Variants in FBXW2 observed in about 807,000 individuals in gnomAD.
FBXW2 encodes F-box/WD repeat-containing protein 2.
A neutral mutation model predicts 46.0 loss-of-function variants in FBXW2; 12 were observed. That is an observed-to-expected ratio of 0.26 (90% CI 0.17 to 0.42). The LOEUF is 0.42. Ranked by LOEUF, FBXW2 falls within the 10% of genes least tolerant of loss-of-function variation. FBXW2 has a pLI of 1.00. For missense variants in FBXW2, 360 were observed against 537.0 expected, an observed-to-expected ratio of 0.67 and a Z score of 3.26; for synonymous variants, 203 against 209.6, an observed-to-expected ratio of 0.97 and a Z score of 0.27.
intron 7 of FBXW2, among the ~76,000 whole-genome samples, chr9:120,765,182 C>A (rs112579427): frequency 0.044 from 6,714 of 151,580 alleles, 227 homozygotes; most frequent in Non-Finnish European, 0.061. Context: ...GCATCCTCCA[C>A]CTCCCAGGTT....
rs781721411 is a variant in FBXW2, at chr9:120,764,629, G to A, written c.1295C>T (p.Thr432Met). Residue 432 changes from threonine to methionine, a missense_variant, in exon 8 of 8, where the codon ACG becomes ATG. Physicochemically the swap from Thr to Met is moderately conservative, Grantham distance 81. Transcript: ENST00000608872. ...CATGCTGGTGGCAAAGACCAAGCCCGTGTCATTGTGCCCATCCAGTCCATT... is the reference window on the plus strand; with the variant it reads ...CATGCTGGTGGCAAAGACCAAGCCCATGTCATTGTGCCCATCCAGTCCATT... ...WLNGLDGHND[T>M]GLVFATSMPD... The A allele has an allele frequency of 9.9e-6, 16 of 1,614,072 alleles. No homozygotes were observed. Among genetic ancestry groups the A allele is most frequent in the African/African-American group, 6.7e-5 (5 of 74,930 alleles).
At chr9:120,776,834 A>G (rs1178227741) in intron 4 of FBXW2, among the ~76,000 whole-genome samples, 1 of 152,220 alleles carries the variant, frequency 6.6e-6, no homozygotes, top group Non-Finnish European at 1.5e-5. Context: ...CTAAAGGAAC[A>G]TTAGGGACCC....
chr9:120,774,557 T>C (rs2044453017), intron 5 of FBXW2, among the ~76,000 whole-genome samples: 1 of 152,134 alleles, frequency 6.6e-6, no homozygotes, highest in African/African-American at 2.4e-5. Flanking sequence ...CCACAGTGAA[T>C]CTGCAAGCCA....
intron 7 of FBXW2, among the ~76,000 whole-genome samples, chr9:120,765,095 GTT>G (rs751039443): frequency 1.5e-4 from 21 of 139,698 alleles, no homozygotes; most frequent in Admixed American, 2.2e-4. Context: ...TTTGATCAAA[GTT>G]TTTTTTTTTT....
intron 2 of FBXW2, among the ~76,000 whole-genome samples, chr9:120,791,201 A>G (rs1242687896): frequency 6.6e-6 from 1 of 152,148 alleles, no homozygotes; most frequent in African/African-American, 2.4e-5. Flanking sequence ...AATATCATAC[A>G]CTGGTTGCAC....
At chr9:120,766,695 T>C (rs1240249115) in intron 7 of FBXW2, among the ~76,000 whole-genome samples, 3 of 152,066 alleles carry the variant, frequency 2.0e-5, no homozygotes, top group African/African-American at 7.2e-5. Context: ...ATCTCAACCT[T>C]GTGTTCCACC....
At position 120,762,732 on chromosome 9, in the gene FBXW2, G is replaced by C. The variant is rs1160911771; in HGVS notation, c.*1827C>G. Reference sequence around the variant, plus strand: ...CTGCCAGCAACCCTTTTTCTCACCTGTAAAATGGATATGCTTTATACTGGA... The same window carrying C: ...CTGCCAGCAACCCTTTTTCTCACCTCTAAAATGGATATGCTTTATACTGGA... On this transcript the variant is annotated 3_prime_UTR_variant, in exon 8 of 8. Transcript: ENST00000608872. 1.3e-5 allele frequency: 2 copies of C among 152,214 alleles called. No individual in the cohort carries two copies. Among genetic ancestry groups the C allele is most frequent in the South Asian group, 4.1e-4 (2 of 4,830 alleles). The allele number at this position is 152,214 out of a possible 1,614,324, so 9.4% of individuals were successfully genotyped here. A position where few individuals can be genotyped will look rare whatever the true frequency, so the allele number is the denominator to read the frequency against.
At chr9:120,791,976 T>C (rs2044853042) in intron 2 of FBXW2, among the ~76,000 whole-genome samples, 2 of 152,200 alleles carry the variant, frequency 1.3e-5, no homozygotes, top group South Asian at 2.1e-4. Flanking sequence ...TAACTCCCTA[T>C]GTTACCTAGG....
chr9:120,768,460 A>G (rs2044313386), intron 7 of FBXW2, among the ~76,000 whole-genome samples: 1 of 152,246 alleles, frequency 6.6e-6, no homozygotes, highest in Non-Finnish European at 1.5e-5. Context: ...GTGGGTGCTC[A>G]ATGAATATCT....
intron 7 of FBXW2, among the ~76,000 whole-genome samples, chr9:120,769,558 C>G (rs1466237834): frequency 1.3e-5 from 2 of 152,194 alleles, no homozygotes; most frequent in African/African-American, 4.8e-5. Flanking sequence ...GCCTTTGCAC[C>G]TTCCCACCTA....
intron 5 of FBXW2, among the ~76,000 whole-genome samples, chr9:120,773,076 A>C (rs1588032546): frequency 1.3e-5 from 2 of 151,854 alleles, no homozygotes; most frequent in African/African-American, 4.8e-5. Context: ...AATCCCAGTG[A>C]CTCGGAAGGC....
intron 2 of FBXW2, among the ~76,000 whole-genome samples, chr9:120,791,844 C>T (rs796970789): frequency 2.0e-5 from 3 of 152,102 alleles, no homozygotes; most frequent in Admixed American, 2.0e-4. Flanking sequence ...CGTCCCTACC[C>T]CAGAGTTAAC....
At chr9:120,779,525 G>A (rs1279107353) in intron 3 of FBXW2, among the ~76,000 whole-genome samples, 2 of 152,152 alleles carry the variant, frequency 1.3e-5, no homozygotes, top group Non-Finnish European at 1.5e-5. Context: ...TTTAACCTGG[G>A]AAAACTATGA....
chr9:120,772,766 T>C lies in FBXW2; in HGVS notation c.894A>G (p.Lys298=). ...GAAAAAAACTCACCTTAATCTCATATTTGTCTGCACTTAAGAGGATGTAGT... is the reference window on the plus strand; with the variant it reads ...GAAAAAAACTCACCTTAATCTCATACTTGTCTGCACTTAAGAGGATGTAGT... ...PGDYILLSAD[K]YEIKIWPIGR... is the part of the protein sequence containing the mutation. Residue 298 remains lysine, a synonymous_variant, in exon 6 of 8, where the codon AAA becomes AAG. Coordinates refer to ENST00000608872, the MANE Select transcript of FBXW2 (RefSeq NM_012164.4). 3.8e-6 allele frequency: 6 copies of C among 1,562,614 alleles called. No individual in the cohort carries two copies. Among genetic ancestry groups the C allele is most frequent in the Non-Finnish European group, 5.2e-6 (6 of 1,162,948 alleles).
chr9:120,784,097 G>A (rs776327323), intron 3 of FBXW2, among the ~76,000 whole-genome samples: 11 of 152,162 alleles, frequency 7.2e-5, no homozygotes, highest in Non-Finnish European at 1.2e-4. Context: ...ACTGCACAGC[G>A]TAATTTTAAA....
chr9:120,771,484 A>T lies in FBXW2; in HGVS notation c.940T>A (p.Cys314Ser), dbSNP rs781748606. 4 of 1,612,760 alleles carry T rather than the reference A, an allele frequency of 2.5e-6. No individual in the cohort carries two copies. The highest frequency in any genetic ancestry group is 3.4e-6 in the Non-Finnish European group (4 of 1,179,738). The change falls in exon 7 of 8, where the codon TGC becomes AGC. Residue 314 changes from cysteine (C) to serine (S), a missense_variant. Coordinates refer to ENST00000608872, the MANE Select transcript of FBXW2 (RefSeq NM_012164.4). ...WPIGREINCKCLKTLSVSEDR... is the reference protein window; with the variant it reads ...WPIGREINCKSLKTLSVSEDR... ...TCAGAGACAGACAATGTCTTTAAGCACTTACAGTTGATTTCTCTCCCAATT... is the reference window on the plus strand; with the variant it reads ...TCAGAGACAGACAATGTCTTTAAGCTCTTACAGTTGATTTCTCTCCCAATT...
chr9:120,787,625 GA>G, intron 3 of FBXW2, 143 bp downstream of exon 3: 1 of 745,484 alleles, frequency 1.3e-6, no homozygotes, highest in Non-Finnish European at 2.1e-6. Flanking sequence ...TAAGGGGGGG[GA>G]ACCACTCAGG....
rs1414927014 is a variant in FBXW2, at chr9:120,779,172, T to C, written c.491-627A>G. ...CTCAACAAAAAGTTTGTAAAGCCTC[T>C]TAAGATTCTGAAGGGAAAAGTTGGC... is the stretch of plus-strand genomic sequence containing the variant. On this transcript the variant is annotated intron_variant, in intron 3 of 7. Coordinates refer to ENST00000608872, the MANE Select transcript of FBXW2 (RefSeq NM_012164.4). Among the ~76,000 whole-genome samples the C allele has an allele frequency of 2.6e-5, 4 of 152,226 alleles. 1 individual carries two copies. Among genetic ancestry groups the C allele is most frequent in the Non-Finnish European group, 5.9e-5 (4 of 68,038 alleles).
At position 120,757,594 on chromosome 9, in the gene FBXW2, G is replaced by C. The variant is rs1286317610; in HGVS notation, c.*6965C>G. 3 of 152,156 alleles carry C rather than the reference G, an allele frequency of 2.0e-5. No individual in the cohort carries two copies. The highest frequency in any genetic ancestry group is 6.5e-5 in the Admixed American group (1 of 15,272). The allele number at this position is 152,156 out of a possible 1,614,324, so 9.4% of individuals were successfully genotyped here. A position where few individuals can be genotyped will look rare whatever the true frequency, so the allele number is the denominator to read the frequency against. On this transcript the variant is annotated 3_prime_UTR_variant, in exon 8 of 8. Transcript: ENST00000608872. ...TTTTGAGAATGTATTACAAAACAAT[G>C]ATTTGCAGTACATAAATCCATACAC...
Sources: allele counts gnomAD v4.1 joint callset (sites outside exome capture counted in the v4.1 genomes callset), GRCh38; gene constraint gnomAD v4.1.1; transcripts MANE v1.5; gene names NCBI Gene and HGNC (gene_info 2026-07-23, HGNC 2026-07-21).